ANAPC7: variants seen among roughly 807,000 people sequenced by gnomAD.
The protein encoded by ANAPC7 is anaphase promoting complex subunit 7, also known as anaphase-promoting complex subunit 7.
Under a neutral mutation model 63.3 loss-of-function variants are expected in ANAPC7, and 25 were observed. The ratio of observed to expected loss-of-function variants is 0.39; its 90% CI spans 0.29 to 0.55. ANAPC7 has a LOEUF of 0.55. Ranked by LOEUF, ANAPC7 falls within the 20% of genes least tolerant of loss-of-function variation. The probability of loss-of-function intolerance (pLI) is 0.57; values close to 1 mark genes in which losing one functional copy is unlikely to be tolerated. For synonymous variants in ANAPC7, 241 were observed against 251.7 expected (o/e 0.96, Z 0.40); for missense variants, 516 against 691.7 (o/e 0.75, Z 2.85).
intron 5 of ANAPC7, chr12:110,387,335 G>GAGAGAGAGAGAGAGAGAGA (rs1566269122): frequency 9.0e-5 from 2 of 22,222 alleles, no homozygotes; most frequent in African/African-American, 2.0e-4. Flanking sequence ...GAGAGAGAGA[G>GAGAGAGAGAGAGAGAGAGA]GCAGAGAGAG....
intron 9 of ANAPC7, 118 bp downstream of exon 9, chr12:110,377,275 G>A: frequency 1.2e-6 from 1 of 852,950 alleles, no homozygotes; most frequent in Non-Finnish European, 1.8e-6. Flanking sequence ...GCTCAGACCT[G>A]CTGCAAAAGG....
Position 110,376,052 on chromosome 12 carries a change from A to C in ANAPC7, c.1508+14T>G. On this transcript the variant is annotated intron_variant, in intron 10 of 10. Transcript: ENST00000455511. The stretch of plus-strand genomic sequence containing the variant: ...CTCCTCAGTGGCCTTCCCCCAAGGG[A>C]GGCTAGTGCCTACCTTAGTGCTATA... 1 of 1,604,052 alleles carries C rather than the reference A, an allele frequency of 6.2e-7. No homozygotes were observed. Among genetic ancestry groups the C allele is most frequent in the Non-Finnish European group, 8.5e-7 (1 of 1,173,338 alleles).
In ANAPC7 at chr12:110,387,889, A is replaced by G. The variant is rs201209979; in HGVS notation, c.524T>C (p.Leu175Ser). The change falls in exon 5 of 11, where the codon TTG becomes TCG. Residue 175 changes from leucine (L) to serine (S), a missense_variant. Around this residue, in one of 4 missense-constraint regions of ANAPC7, gnomAD observed 10 missense variants for 30.1 expected, o/e 0.33. Coordinates refer to ENST00000455511, the MANE Select transcript of ANAPC7 (RefSeq NM_016238.3). The stretch of plus-strand genomic sequence containing the variant: ...TGCCCCTTTTACAGAAAGGGACAAC[A>G]AGCCTAAACCAACAGAAAGCAGAAG... ...CPLALDAILG[L>S]LSLSVKGAEV... 6 of 1,613,706 alleles carry G rather than the reference A, an allele frequency of 3.7e-6. No homozygotes were observed. Among genetic ancestry groups the G allele is most frequent in the Non-Finnish European group, 5.1e-6 (6 of 1,179,802 alleles).
chr12:110,382,302 A>G (rs1592901087), intron 7 of ANAPC7, among the ~76,000 whole-genome samples: 1 of 151,196 alleles, frequency 6.6e-6, no homozygotes, highest in East Asian at 1.9e-4. Flanking sequence ...AGCACAATGC[A>G]TTCACCAACT....
chr12:110,377,805 A>G (rs1881425464), intron 8 of ANAPC7, 188 bp from the exon 9 acceptor site: 4 of 1,432,240 alleles, frequency 2.8e-6, no homozygotes, highest in Admixed American at 2.8e-5. Flanking sequence ...TTCCCCAGAG[A>G]ACTTGATGGA....
At position 110,387,882 on chromosome 12, in the gene ANAPC7, G is replaced by A; in HGVS notation, c.531C>T (p.Ser177=). The A allele has an allele frequency of 6.2e-7, 1 of 1,613,710 alleles. No homozygotes were observed. Among genetic ancestry groups the A allele is most frequent in the Non-Finnish European group, 8.5e-7 (1 of 1,179,840 alleles). ...LALDAILGLL[S]LSVKGAEVAS... is the part of the protein sequence containing the mutation. ...CCACCTCTGCCCCTTTTACAGAAAG[G>A]GACAACAAGCCTAAACCAACAGAAA... The change falls in exon 5 of 11, where the codon TCC becomes TCT. Residue 177 remains serine, a synonymous_variant. Transcript: ENST00000455511.
intron 10 of ANAPC7, chr12:110,375,490 C>T: frequency 1.0e-6 from 1 of 979,940 alleles, no homozygotes; most frequent in South Asian, 4.7e-5. Flanking sequence ...AGTAAGAATA[C>T]CACTATTTAT....
At chr12:110,396,647 A>G (rs2062143047) in intron 1 of ANAPC7, 195 bp from the exon 2 acceptor site, 2 of 421,258 alleles carry the variant, frequency 4.7e-6, no homozygotes, top group East Asian at 5.0e-5. Context: ...AGTAGCTGAG[A>G]TTACAGGCAC....
intron 8 of ANAPC7, 51 bp downstream of exon 8, chr12:110,381,701 C>T: frequency 1.3e-6 from 2 of 1,568,592 alleles, no homozygotes; most frequent in Non-Finnish European, 1.7e-6. Context: ...CATCTGAGGG[C>T]TGCTGCCACA....
rs1263037178 is a variant in ANAPC7, at chr12:110,380,707, C to A, written c.1132+1045G>T. 4.1e-5 allele frequency among the ~76,000 whole-genome samples: 6 copies of A among 146,312 alleles called. No homozygotes were observed. In the East Asian group the frequency reaches 1.0e-3, roughly 24 times the overall value. On this transcript the variant is annotated intron_variant, in intron 8 of 10. Transcript: ENST00000455511. The stretch of plus-strand genomic sequence containing the variant: ...CGGTGGCTCACGCCTGTAATCCTAG[C>A]ACTTTGGGAGGCCGAGGCGGGCGGA...
rs1213681424 is a variant in ANAPC7 at position 110,396,443 on chromosome 12, G to A, written c.111C>T (p.Phe37=). ...AAAGCTGGTACTTCTGAGGTGGGGA[G>A]AATAACTCACTAGAAAACAAGAGAA... ...LTMSNNNPEL[F]SPPQKYQLLV... is the part of the protein sequence containing the mutation. Residue 37 remains phenylalanine (F), a synonymous_variant, in exon 2 of 11, where the codon TTC becomes TTT. Coordinates refer to ENST00000455511, the MANE Select transcript of ANAPC7 (RefSeq NM_016238.3). The A allele has an allele frequency of 6.2e-7, 1 of 1,601,116 alleles. No homozygotes were observed. Among genetic ancestry groups the A allele is most frequent in the South Asian group, 1.1e-5 (1 of 88,630 alleles).
intron 8 of ANAPC7, chr12:110,377,818 T>C (rs1404751840): frequency 2.8e-6 from 4 of 1,426,774 alleles, no homozygotes; most frequent in East Asian, 5.1e-5. Flanking sequence ...TTGATGGATG[T>C]AGAAAAAGAC....
intron 5 of ANAPC7, 46 bp downstream of exon 5, chr12:110,387,693 C>A (rs1204692647): frequency 1.3e-6 from 2 of 1,567,106 alleles, no homozygotes; most frequent in South Asian, 1.2e-5. Context: ...GACTTCCAGA[C>A]AAGCAAAGGG....
intron 1 of ANAPC7, among the ~76,000 whole-genome samples, chr12:110,401,522 G>A (rs1473017158): frequency 6.6e-6 from 1 of 152,186 alleles, no homozygotes; most frequent in Non-Finnish European, 1.5e-5. Flanking sequence ...AGGAGGCAAC[G>A]CTGAGATGAG....
intron 6 of ANAPC7, among the ~76,000 whole-genome samples, chr12:110,383,930 C>T (rs1476754131): frequency 2.7e-5 from 4 of 148,392 alleles, no homozygotes; most frequent in African/African-American, 5.0e-5. Context: ...GGGCCAGGCG[C>T]GGTGGCTCAT....
intron 6 of ANAPC7, among the ~76,000 whole-genome samples, chr12:110,385,944 C>T (rs180860755): frequency 1.2e-4 from 19 of 152,110 alleles, no homozygotes; most frequent in African/African-American, 4.1e-4. Context: ...TTTCTTATTC[C>T]TTTTTAATTA....
chr12:110,398,201 G>A (rs1203323881), intron 1 of ANAPC7, among the ~76,000 whole-genome samples: 3 of 151,876 alleles, frequency 2.0e-5, no homozygotes, highest in East Asian at 3.9e-4. Flanking sequence ...AGCCAAGATC[G>A]TGCCACTGCA....
At chr12:110,383,875 C>CAAAAAAAAAAAAA (rs1159374781) in intron 6 of ANAPC7, among the ~76,000 whole-genome samples, 37 of 50,598 alleles carry the variant, frequency 7.3e-4, no homozygotes, top group Admixed American at 9.3e-4. Context: ...GACTCCGTCT[C>CAAAAAAAAAAAAA]AAAAAAAAAA....
At position 110,381,938 on chromosome 12, in the gene ANAPC7, A is replaced by G. The variant is rs1237288472; in HGVS notation, c.946T>C (p.Phe316Leu). The change falls in exon 8 of 11, where the codon TTC becomes CTC. Residue 316 changes from phenylalanine to leucine, a missense_variant. Around this residue, in one of 4 missense-constraint regions of ANAPC7, gnomAD observed 199 missense variants for 249.3 expected, o/e 0.80. Transcript: ENST00000455511. ...GCCCGGGAGTAGCGTTTGCTATAGA[A>G]GCTGTGACAGCTGGAGAAAAAAAAA... ...EPWVVSGCHSFYSKRYSRALY... is the reference protein window; with the variant it reads ...EPWVVSGCHSLYSKRYSRALY... 8.3e-7 allele frequency: 1 copy of G among 1,207,826 alleles called. No homozygotes were observed. Among genetic ancestry groups the G allele is most frequent in the East Asian group, 3.1e-5 (1 of 32,356 alleles). 74.8% of individuals were successfully genotyped at this position (1,207,826 alleles called of 1,614,324 possible). A position where few individuals can be genotyped will look rare whatever the true frequency, so the allele number is the denominator to read the frequency against.
Sources: gnomAD v4.1 joint callset for allele counts (sites outside exome capture counted in the v4.1 genomes callset) on GRCh38, gnomAD v4.1.1 for gene constraint, gnomAD v4.1.1 regional missense constraint, MANE v1.5 for transcripts, NCBI Gene and HGNC (gene_info 2026-07-23, HGNC 2026-07-21) for gene names.